The following CLVS1 variants were observed in gnomAD, a reference collection of about 807,000 sequenced individuals.
CLVS1 encodes the protein clavesin-1.
CLVS1 carries 10 observed loss-of-function variants against 33.1 expected under a neutral mutation model. The observed-to-expected ratio is 0.30, with a 90% CI of 0.19 to 0.51. The LOEUF is 0.51. CLVS1 is among the 20% of genes least tolerant of loss of function. The pLI, the probability that CLVS1 is intolerant of heterozygous loss-of-function variation, is 0.97. For synonymous variants in CLVS1, 163 were observed against 166.1 expected (o/e 0.98, Z 0.14); for missense variants, 343 against 433.4 (o/e 0.79, Z 1.85).
chr8:61,419,256 G>A (rs540075643), intron 3 of CLVS1, among the ~76,000 whole-genome samples: 1 of 152,024 alleles, frequency 6.6e-6, no homozygotes, highest in East Asian at 1.9e-4. Flanking sequence ...AATTAGCTGG[G>A]CATGGTGGCA....
chr8:61,007,128 G>T, the CLVS1 span, among the ~76,000 whole-genome samples: 5 of 152,190 alleles, frequency 3.3e-5, no homozygotes, highest in African/African-American at 1.2e-4. Flanking sequence ...AGAAGTAAAA[G>T]GAAACTTTTG....
At chr8:61,228,821 T>C (rs1379803164) in intron 2 of CLVS1, among the ~76,000 whole-genome samples, 1 of 152,212 alleles carries the variant, frequency 6.6e-6, no homozygotes, top group Non-Finnish European at 1.5e-5. Flanking sequence ...AGTCCTTCTC[T>C]TGGCTATTGT....
At chr8:61,019,356 T>C in the CLVS1 span, among the ~76,000 whole-genome samples, 1 of 152,176 alleles carries the variant, frequency 6.6e-6, no homozygotes, top group Non-Finnish European at 1.5e-5. Context: ...TCTAATGATG[T>C]CTAAACTGAT....
At chr8:61,437,906 A>G (rs1334690143) in intron 3 of CLVS1, among the ~76,000 whole-genome samples, 1 of 152,244 alleles carries the variant, frequency 6.6e-6, no homozygotes, top group Non-Finnish European at 1.5e-5. Context: ...ATAAGCCAAT[A>G]GTACAGAAAT....
At chr8:61,392,579 C>T (rs1005407688) in intron 3 of CLVS1, among the ~76,000 whole-genome samples, 6 of 152,124 alleles carry the variant, frequency 3.9e-5, no homozygotes, top group African/African-American at 1.2e-4. Context: ...GAATGATAGC[C>T]TGGCACGGTG....
the CLVS1 span, among the ~76,000 whole-genome samples, chr8:61,035,886 A>G: frequency 6.6e-6 from 1 of 152,356 alleles, no homozygotes; most frequent in East Asian, 1.9e-4. Flanking sequence ...TAATAAAAAC[A>G]TATTTATCTG....
the CLVS1 span, among the ~76,000 whole-genome samples, chr8:60,982,385 C>T: frequency 6.6e-6 from 1 of 152,118 alleles, no homozygotes. Context: ...GACTGAAGCA[C>T]AAATAGAAAA....
chr8:61,051,637 C>T, the CLVS1 span, among the ~76,000 whole-genome samples: 1 of 152,270 alleles, frequency 6.6e-6, no homozygotes, highest in South Asian at 2.1e-4. Flanking sequence ...CTCATGCCAG[C>T]CCTGTCTGGA....
intron 2 of CLVS1, among the ~76,000 whole-genome samples, chr8:61,349,580 TG>T (rs939624918): frequency 3.0e-4 from 45 of 152,198 alleles, no homozygotes; most frequent in African/African-American, 8.9e-4. Context: ...AAGGTTTTTT[TG>T]TTTTTGTTTT....
At chr8:61,033,106 A>AG in the CLVS1 span, among the ~76,000 whole-genome samples, 1 of 49,412 alleles carries the variant, frequency 2.0e-5, no homozygotes, top group Non-Finnish European at 4.6e-5. Context: ...AAAGATAGAA[A>AG]GAAAGAAGGA....
At chr8:61,037,985 A>C in the CLVS1 span, among the ~76,000 whole-genome samples, 1 of 152,128 alleles carries the variant, frequency 6.6e-6, no homozygotes, top group East Asian at 1.9e-4. Flanking sequence ...AGAAGAAACC[A>C]GGGCAGTGCA....
intron 2 of CLVS1, among the ~76,000 whole-genome samples, chr8:61,224,083 G>A (rs893400227): frequency 2.0e-5 from 3 of 152,042 alleles, no homozygotes; most frequent in African/African-American, 7.2e-5. Context: ...TTTTATCAAG[G>A]TTCTTACTTC....
At chr8:61,280,788 TA>T (rs1257792763) in intron 2 of CLVS1, among the ~76,000 whole-genome samples, 8 of 152,286 alleles carry the variant, frequency 5.3e-5, no homozygotes, top group South Asian at 2.1e-4. Flanking sequence ...GATCATTAAT[TA>T]TTTTTTTTGT....
intron 2 of CLVS1, among the ~76,000 whole-genome samples, chr8:61,347,975 A>T (rs113473339): frequency 0.018 from 2,757 of 151,660 alleles, 35 homozygotes; most frequent in Non-Finnish European, 0.029. Context: ...TGTGATTAGA[A>T]CACAAAATCG....
intron 2 of CLVS1, 72 bp from the exon 3 acceptor site, chr8:61,376,533 A>C (rs1175460446): frequency 1.4e-6 from 2 of 1,455,734 alleles, no homozygotes; most frequent in Non-Finnish European, 1.9e-6. Context: ...TGCGGAGGCC[A>C]GCACTGTTGC....
chr8:61,180,468 A>G (rs1047783912), intron 2 of CLVS1, among the ~76,000 whole-genome samples: 4 of 152,204 alleles, frequency 2.6e-5, no homozygotes, highest in African/African-American at 7.2e-5. Context: ...AAAAGGAGAG[A>G]TTCCTCCATC....
intron 2 of CLVS1, among the ~76,000 whole-genome samples, chr8:61,313,055 C>T (rs1810888936): frequency 6.6e-6 from 1 of 152,194 alleles, no homozygotes; most frequent in African/African-American, 2.4e-5. Context: ...TCTGCTCCTC[C>T]TGCATCACAG....
chr8:61,464,951 C>A (rs1336468091), intron 5 of CLVS1: 3 of 152,230 alleles, frequency 2.0e-5, no homozygotes, highest in Non-Finnish European at 4.4e-5. Flanking sequence ...CATGGATGTG[C>A]AAAAATTGGG....
chr8:61,417,928 C>A (rs1430116749), intron 3 of CLVS1, among the ~76,000 whole-genome samples: 1 of 152,212 alleles, frequency 6.6e-6, no homozygotes, highest in Non-Finnish European at 1.5e-5. Flanking sequence ...TCCTTTCAGT[C>A]AAAATGTCTT....
Sources: gnomAD v4.1 joint callset for allele counts (sites outside exome capture counted in the v4.1 genomes callset) on GRCh38, gnomAD v4.1.1 for gene constraint, MANE v1.5 for transcripts, NCBI Gene and HGNC (gene_info 2026-07-23, HGNC 2026-07-21) for gene names.